Variants in MAGI2 observed in about 807,000 individuals in gnomAD.
MAGI2 encodes membrane-associated guanylate kinase, WW and PDZ domain-containing protein 2.
In MAGI2, 35 loss-of-function variants were observed where a neutral mutation model predicts 133.3. That is an observed-to-expected ratio of 0.26 (90% CI 0.20 to 0.35). MAGI2 has a LOEUF of 0.35. MAGI2 is among the 10% of genes least tolerant of loss of function. MAGI2 has a pLI of 1.00. For missense variants in MAGI2, 1,636 were observed against 1,863.4 expected (o/e 0.88, Z 2.25); for synonymous variants, 729 against 710.6 (o/e 1.03, Z -0.41).
At chr7:78,564,725 A>G (rs1477177956) in intron 3 of MAGI2, among the ~76,000 whole-genome samples, 1 of 151,020 alleles carries the variant, frequency 6.6e-6, no homozygotes, top group East Asian at 2.0e-4. Context: ...TCTGAATTCC[A>G]AGTATAACAT....
At chr7:78,315,524 C>T (rs1260192421) in intron 9 of MAGI2, among the ~76,000 whole-genome samples, 1 of 151,950 alleles carries the variant, frequency 6.6e-6, no homozygotes, top group Non-Finnish European at 1.5e-5. Context: ...TCCACTGAGC[C>T]CAACTAAATC....
intron 1 of MAGI2, among the ~76,000 whole-genome samples, chr7:79,438,117 T>C (rs1848265315): frequency 1.3e-5 from 2 of 152,112 alleles, no homozygotes; most frequent in South Asian, 4.1e-4. Context: ...GTAAAAACAA[T>C]ACATCTGAAC....
chr7:78,354,087 C>A (rs1283084488), intron 7 of MAGI2, among the ~76,000 whole-genome samples: 4 of 152,192 alleles, frequency 2.6e-5, no homozygotes, highest in Non-Finnish European at 5.9e-5. Context: ...ATTTCTGCAT[C>A]ATTTCCTGGC....
intron 1 of MAGI2, among the ~76,000 whole-genome samples, chr7:79,194,697 G>C (rs1466451053): frequency 6.6e-6 from 1 of 151,444 alleles, no homozygotes; most frequent in African/African-American, 2.4e-5. Flanking sequence ...TTGACATCTA[G>C]CTTTTTTGAT....
intron 3 of MAGI2, among the ~76,000 whole-genome samples, chr7:78,605,950 C>T (rs576030425): frequency 3.9e-4 from 60 of 152,262 alleles, no homozygotes; most frequent in Non-Finnish European, 7.5e-4. Flanking sequence ...AAGGACACTA[C>T]TCGTTGGCGA....
chr7:78,026,647 G>A (rs1417577355), intron 21 of MAGI2, among the ~76,000 whole-genome samples: 1 of 152,182 alleles, frequency 6.6e-6, no homozygotes, highest in Non-Finnish European at 1.5e-5. Context: ...CAGAGACTGT[G>A]GGCAATGGTG....
In MAGI2 at chr7:78,373,108, C is replaced by T. The variant is rs181759431; in HGVS notation, c.1046-3895G>A. ...GAGTACCTGGAACCACAGTGCGCAT[C>T]ACTGTGCCCGGCCAGGAATGCCATT... On this transcript the variant is annotated intron_variant, in intron 6 of 21. Transcript: ENST00000354212. Among the ~76,000 whole-genome samples, 32 of 152,314 alleles carry T rather than the reference C, an allele frequency of 2.1e-4. No individual in the cohort carries two copies. In the East Asian group the frequency reaches 4.6e-3, roughly 22 times the overall value.
chr7:78,344,059 T>A, intron 8 of MAGI2, 99 bp from the exon 9 acceptor site: 1 of 1,041,050 alleles, frequency 9.6e-7, no homozygotes, highest in Non-Finnish European at 1.4e-6. Flanking sequence ...ATCCCAGGGG[T>A]AAATGTGGGG....
chr7:79,016,948 C>T (rs1169523505), intron 1 of MAGI2, among the ~76,000 whole-genome samples: 1 of 152,256 alleles, frequency 6.6e-6, no homozygotes, highest in African/African-American at 2.4e-5. Context: ...CATTTTTGCC[C>T]ATGCAAATGC....
chr7:78,857,678 C>T (rs868862690), intron 2 of MAGI2, among the ~76,000 whole-genome samples: 1 of 152,192 alleles, frequency 6.6e-6, no homozygotes, highest in African/African-American at 2.4e-5. Context: ...AGGATATTTA[C>T]ATCGATGTTC....
chr7:78,720,329 C>A (rs323143), intron 2 of MAGI2, among the ~76,000 whole-genome samples: 1 of 151,972 alleles, frequency 6.6e-6, no homozygotes, highest in Non-Finnish European at 1.5e-5. Flanking sequence ...TACTAACTCA[C>A]TTAATCCTTA....
chr7:78,104,952 C>T (rs1047273819), intron 20 of MAGI2, among the ~76,000 whole-genome samples: 3 of 148,536 alleles, frequency 2.0e-5, no homozygotes, highest in African/African-American at 7.5e-5. Context: ...CACTAACCGC[C>T]TTAACAAATA....
chr7:78,800,125 G>T (rs1787942623), intron 2 of MAGI2, among the ~76,000 whole-genome samples: 1 of 152,006 alleles, frequency 6.6e-6, no homozygotes, highest in Non-Finnish European at 1.5e-5. Flanking sequence ...AAAACCCACG[G>T]ACCAGAAGCT....
intron 2 of MAGI2, among the ~76,000 whole-genome samples, chr7:78,665,420 T>C (rs1048478407): frequency 6.6e-6 from 1 of 152,166 alleles, no homozygotes; most frequent in African/African-American, 2.4e-5. Flanking sequence ...AGGTAGGCAG[T>C]GCAAAGGATG....
chr7:78,987,118 A>G (rs1189197373), intron 2 of MAGI2, among the ~76,000 whole-genome samples: 2 of 152,068 alleles, frequency 1.3e-5, no homozygotes, highest in Non-Finnish European at 2.9e-5. Flanking sequence ...CAGAAGGTCA[A>G]TACAACTGGT....
At chr7:79,096,746 C>G (rs911626495) in intron 1 of MAGI2, among the ~76,000 whole-genome samples, 1 of 152,074 alleles carries the variant, frequency 6.6e-6, no homozygotes, top group Non-Finnish European at 1.5e-5. Context: ...TAAATAAACA[C>G]AGCAACTCAA....
intron 6 of MAGI2, among the ~76,000 whole-genome samples, chr7:78,420,085 A>C (rs1366172885): frequency 6.6e-6 from 1 of 152,156 alleles, no homozygotes; most frequent in Non-Finnish European, 1.5e-5. Flanking sequence ...GTATGCCACA[A>C]CGATTTAGGG....
At chr7:78,583,811 G>T (rs988786113) in intron 3 of MAGI2, among the ~76,000 whole-genome samples, 3 of 152,158 alleles carry the variant, frequency 2.0e-5, no homozygotes, top group Non-Finnish European at 2.9e-5. Flanking sequence ...TCATGTATTG[G>T]CAGGGGAGAA....
intron 1 of MAGI2, among the ~76,000 whole-genome samples, chr7:79,152,005 A>G (rs1035498210): frequency 2.6e-5 from 4 of 152,182 alleles, no homozygotes; most frequent in African/African-American, 9.6e-5. Flanking sequence ...ACAATCAAAA[A>G]GGGATAAATT....
Sources: allele counts gnomAD v4.1 joint callset (sites outside exome capture counted in the v4.1 genomes callset), GRCh38; gene constraint gnomAD v4.1.1; transcripts MANE v1.5; gene names NCBI Gene and HGNC (gene_info 2026-07-23, HGNC 2026-07-21).